MKLN1: variants seen among roughly 807,000 people sequenced by gnomAD.
MKLN1 encodes the protein muskelin 1, also known as muskelin.
MKLN1 carries 18 observed loss-of-function variants against 99.0 expected under a neutral mutation model. The ratio of observed to expected loss-of-function variants is 0.18; its 90% CI spans 0.13 to 0.27. The LOEUF is 0.27. Among genes scored for constraint, MKLN1 ranks in the 10% least tolerant of loss-of-function variants. The pLI is 1.00. For synonymous variants in MKLN1, 288 were observed against 293.2 expected, an observed-to-expected ratio of 0.98 and a Z score of 0.18; for missense variants, 621 against 875.9, an observed-to-expected ratio of 0.71 and a Z score of 3.67.
At chr7:131,259,587 C>T (rs1230445631) in intron 3 of MKLN1, among the ~76,000 whole-genome samples, 2 of 152,090 alleles carry the variant, frequency 1.3e-5, no homozygotes, top group African/African-American at 4.8e-5. Flanking sequence ...CATTATCAAA[C>T]TTTAATAAGG....
At chr7:131,464,462 T>A (rs1796604001) in intron 14 of MKLN1, 54 bp downstream of exon 14, 2 of 977,640 alleles carry the variant, frequency 2.0e-6, no homozygotes, top group Admixed American at 1.8e-5. Flanking sequence ...TCTGAAACAA[T>A]CCCCAAATAT....
intron 8 of MKLN1, among the ~76,000 whole-genome samples, chr7:131,417,325 C>T (rs1795048779): frequency 6.6e-6 from 1 of 152,144 alleles, no homozygotes; most frequent in Non-Finnish European, 1.5e-5. Context: ...TTAGTTAGAG[C>T]CATTTTGTAC....
At chr7:131,433,018 C>G (rs1034601327) in intron 9 of MKLN1, among the ~76,000 whole-genome samples, 2 of 152,150 alleles carry the variant, frequency 1.3e-5, no homozygotes, top group Non-Finnish European at 2.9e-5. Context: ...ATCCACAGTT[C>G]CTATTCAGAT....
chr7:131,156,395 G>A (rs1048934777), intron 2 of MKLN1, among the ~76,000 whole-genome samples: 2 of 146,106 alleles, frequency 1.4e-5, no homozygotes, highest in African/African-American at 5.1e-5. Flanking sequence ...GGGCGTGGAG[G>A]CGAGATCGCG....
intron 8 of MKLN1, among the ~76,000 whole-genome samples, chr7:131,421,662 A>G (rs1795196228): frequency 6.6e-6 from 1 of 152,176 alleles, no homozygotes; most frequent in South Asian, 2.1e-4. Flanking sequence ...AATATGCAGC[A>G]GTGATTAATT....
chr7:131,422,354 C>G (rs1408531158), intron 8 of MKLN1, among the ~76,000 whole-genome samples: 3 of 152,140 alleles, frequency 2.0e-5, no homozygotes, highest in Non-Finnish European at 2.9e-5. Context: ...TCGAGATCAG[C>G]CTGGGCAACA....
intron 1 of MKLN1, among the ~76,000 whole-genome samples, chr7:131,122,849 A>T (rs1207356237): frequency 6.6e-6 from 1 of 151,654 alleles, no homozygotes; most frequent in Non-Finnish European, 1.5e-5. Context: ...GTGAAACCCC[A>T]TCTCTACTAA....
intron 2 of MKLN1, among the ~76,000 whole-genome samples, chr7:131,148,014 G>T (rs1179496020): frequency 6.6e-6 from 1 of 152,132 alleles, no homozygotes; most frequent in East Asian, 1.9e-4. Flanking sequence ...CTATGTTTTA[G>T]GTATTCAGGG....
At chr7:131,259,938 T>C (rs1428871917) in intron 3 of MKLN1, among the ~76,000 whole-genome samples, 1 of 152,206 alleles carries the variant, frequency 6.6e-6, no homozygotes, top group Non-Finnish European at 1.5e-5. Flanking sequence ...AATATAATTC[T>C]ATATCTATAA....
intron 3 of MKLN1, among the ~76,000 whole-genome samples, chr7:131,280,974 A>AT (rs1392652244): frequency 3.3e-5 from 5 of 152,068 alleles, no homozygotes; most frequent in Admixed American, 3.3e-4. Flanking sequence ...ATTTGCAAAG[A>AT]TTTTTTCCTG....
rs1395534907 is a variant in MKLN1, at chr7:131,192,175, TATAAAAATATATAAAATATA to T, written c.-296-10678_-296-10659del. ...TATACATATATACTTATGTATAATATATAAAAATATATAAAATATAATATATACAATATATAAATATATAA... is the reference window on the plus strand; with the variant it reads ...TATACATATATACTTATGTATAATATATATATACAATATATAAATATATAA... On this transcript the variant is annotated intron_variant, in intron 2 of 7. Transcript: ENST00000416992. Among the ~76,000 whole-genome samples, 41 of 103,390 alleles carry T rather than the reference TATAAAAATATATAAAATATA, an allele frequency of 4.0e-4. 8 individuals are homozygous for T. Among genetic ancestry groups the T allele is most frequent in the African/African-American group, 1.5e-3 (33 of 22,710 alleles). 67.8% of individuals were successfully genotyped at this position (103,390 alleles called of 152,430 possible).
chr7:131,165,521 G>A (rs1236993106), intron 2 of MKLN1, among the ~76,000 whole-genome samples: 1 of 152,082 alleles, frequency 6.6e-6, no homozygotes, highest in African/African-American at 2.4e-5. Flanking sequence ...GTGTAGGGAA[G>A]TGGAGACGAT....
At chr7:131,383,998 C>G (rs910534426) in intron 2 of MKLN1, among the ~76,000 whole-genome samples, 1 of 152,106 alleles carries the variant, frequency 6.6e-6, no homozygotes, top group Non-Finnish European at 1.5e-5. Context: ...CTTAATAGAT[C>G]CCATTGAATT....
chr7:131,263,346 T>TAATAATAA (rs1554544033), intron 3 of MKLN1, among the ~76,000 whole-genome samples: 10 of 128,126 alleles, frequency 7.8e-5, no homozygotes, highest in African/African-American at 1.1e-4. Context: ...TCTACAATTA[T>TAATAATAA]TAATAATAAT....
At chr7:131,158,592 A>G (rs976563900) in intron 2 of MKLN1, among the ~76,000 whole-genome samples, 1 of 152,144 alleles carries the variant, frequency 6.6e-6, no homozygotes, top group African/African-American at 2.4e-5. Flanking sequence ...TTTTCTCTAG[A>G]TCACACACTT....
intron 3 of MKLN1, among the ~76,000 whole-genome samples, chr7:131,212,699 G>A (rs1421791844): frequency 6.6e-6 from 1 of 152,150 alleles, no homozygotes; most frequent in African/African-American, 2.4e-5. Flanking sequence ...CGAGGAGGGT[G>A]GATCACCTGA....
At chr7:131,231,793 G>A (rs1322802425) in intron 3 of MKLN1, among the ~76,000 whole-genome samples, 1 of 152,158 alleles carries the variant, frequency 6.6e-6, no homozygotes, top group Non-Finnish European at 1.5e-5. Flanking sequence ...GAAGGGGGAG[G>A]TTGAAACAAC....
At chr7:131,242,701 C>A in intron 3 of MKLN1, 1 of 669,598 alleles carries the variant, frequency 1.5e-6, no homozygotes, top group Non-Finnish European at 2.8e-6. Flanking sequence ...TTAGATCGCC[C>A]CTACAGCCAT....
chr7:131,397,643 A>G (rs968944899), intron 5 of MKLN1, among the ~76,000 whole-genome samples: 3 of 152,208 alleles, frequency 2.0e-5, no homozygotes, highest in African/African-American at 4.8e-5. Flanking sequence ...TAGTTTGCCT[A>G]GGATCACACA....
Sources: gnomAD v4.1 joint callset for allele counts (sites outside exome capture counted in the v4.1 genomes callset) on GRCh38, gnomAD v4.1.1 for gene constraint, MANE v1.5 for transcripts, NCBI Gene and HGNC (gene_info 2026-07-23, HGNC 2026-07-21) for gene names.